EYS: variants seen among roughly 807,000 people sequenced by gnomAD.
The protein encoded by EYS is protein eyes shut homolog.
EYS carries 250 observed loss-of-function variants against 282.1 expected under a neutral mutation model. The ratio of observed to expected loss-of-function variants is 0.89; its 90% confidence interval spans 0.80 to 0.98. The LOEUF (loss-of-function observed/expected upper bound fraction) is 0.98, where lower values mean the gene tolerates loss of function less well. EYS is among the 50% of genes least tolerant of loss of function. EYS has a pLI of 0.00. For missense variants in EYS, 4,016 were observed against 3,709.0 expected (o/e 1.08, Z -2.15); for synonymous variants, 1,355 against 1,282.9 (o/e 1.06, Z -1.20).
At chr6:65,332,253 G>T (rs1582149919) in intron 11 of EYS, 1 of 640,002 alleles carries the variant, frequency 1.6e-6, no homozygotes, top group East Asian at 2.8e-5. Flanking sequence ...ACATTATCAT[G>T]CATTTTCTTC....
intron 31 of EYS, among the ~76,000 whole-genome samples, chr6:64,227,976 A>G (rs1421787457): frequency 3.3e-5 from 5 of 152,098 alleles, no homozygotes; most frequent in African/African-American, 4.8e-5. Context: ...GCATATAATA[A>G]TTATTGAAAT....
At chr6:64,508,929 C>G (rs1157371795) in intron 26 of EYS, among the ~76,000 whole-genome samples, 1 of 151,800 alleles carries the variant, frequency 6.6e-6, no homozygotes, top group Non-Finnish European at 1.5e-5. Context: ...TTAGCCAGAT[C>G]TAGTATCTTT....
intron 33 of EYS, among the ~76,000 whole-genome samples, chr6:64,005,961 C>T (rs117672915): frequency 0.017 from 2,516 of 152,056 alleles, 210 homozygotes; most frequent in Admixed American, 0.14. Context: ...GGCTCTTTAT[C>T]GGTTCCATAT....
At chr6:64,834,904 C>T (rs1765335388) in intron 19 of EYS, among the ~76,000 whole-genome samples, 1 of 151,676 alleles carries the variant, frequency 6.6e-6, no homozygotes, top group South Asian at 2.1e-4. Context: ...ATAAGGCTAA[C>T]TGATGGTTGT....
At chr6:64,973,937 AT>A (rs1000177986) in intron 14 of EYS, among the ~76,000 whole-genome samples, 1 of 151,904 alleles carries the variant, frequency 6.6e-6, no homozygotes, top group Non-Finnish European at 1.5e-5. Flanking sequence ...AAGATAATTC[AT>A]TTTTTCCCTC....
chr6:63,795,436 A>G lies in EYS; in HGVS notation c.7412-6212T>C, dbSNP rs546347742. ...AGAAAAGAGCAAAGTAGTTGAGACA[A>G]GAGTGTCAGGACATTCTAAGCAGTC... On this transcript the variant is annotated intron_variant, in intron 37 of 42. Coordinates refer to ENST00000503581, the MANE Select transcript of EYS (RefSeq NM_001142800.2). Among the ~76,000 whole-genome samples the G allele has an allele frequency of 1.6e-3, 249 of 152,336 alleles. 1 individual carries two copies. Among genetic ancestry groups the G allele is most frequent in the African/African-American group, 5.7e-3 (237 of 41,584 alleles).
chr6:65,080,246 T>C (rs180898318), intron 12 of EYS, among the ~76,000 whole-genome samples: 7 of 152,068 alleles, frequency 4.6e-5, no homozygotes, highest in Non-Finnish European at 1.0e-4. Context: ...AGTAGTATTA[T>C]TGCCATTAGG....
chr6:64,685,179 GA>G (rs1770046141), intron 22 of EYS, among the ~76,000 whole-genome samples: 1 of 152,058 alleles, frequency 6.6e-6, no homozygotes, highest in Non-Finnish European at 1.5e-5. Flanking sequence ...CAGAGATAAA[GA>G]AGGGGATTTC....
intron 33 of EYS, among the ~76,000 whole-genome samples, chr6:64,055,535 C>T (rs1280705115): frequency 6.6e-6 from 1 of 152,098 alleles, no homozygotes; most frequent in East Asian, 1.9e-4. Context: ...CCTGTGCCTT[C>T]ATTTTGAAGC....
chr6:64,314,194 CAAAAAA>C lies in EYS; in HGVS notation c.6079-7118_6079-7113del, dbSNP rs138447983. ...GAAGATTTACTAAACAAATGGAAAG[CAAAAAA>C]AAAAAAAAAAAAAAAAAAGCAGGGG... On this transcript the variant is annotated intron_variant, in intron 29 of 42. Transcript: ENST00000503581. Among the ~76,000 whole-genome samples, 5 of 27,676 alleles carry C rather than the reference CAAAAAA, an allele frequency of 1.8e-4. 1 individual carries two copies. Among genetic ancestry groups the C allele is most frequent in the Non-Finnish European group, 1.2e-4 (2 of 16,720 alleles). 18.2% of individuals were successfully genotyped at this position (27,676 alleles called of 152,430 possible).
At chr6:64,861,301 G>A (rs544770521) in intron 19 of EYS, among the ~76,000 whole-genome samples, 5 of 152,338 alleles carry the variant, frequency 3.3e-5, no homozygotes, top group South Asian at 4.1e-4. Flanking sequence ...ACACACAGCT[G>A]GGTTGCAACA....
chr6:64,098,859 T>C (rs750055461), intron 31 of EYS, among the ~76,000 whole-genome samples: 2 of 152,152 alleles, frequency 1.3e-5, no homozygotes. Flanking sequence ...CACCTCGGCC[T>C]CCCAAAGTGC....
chr6:64,107,402 A>T (rs112577555), intron 31 of EYS, among the ~76,000 whole-genome samples: 6,313 of 150,518 alleles, frequency 0.042, 393 homozygotes, highest in African/African-American at 0.14. Context: ...GAGCCAGTCC[A>T]AGTCCCAAAA....
intron 36 of EYS, among the ~76,000 whole-genome samples, chr6:63,852,312 C>T (rs1772280745): frequency 6.6e-6 from 1 of 151,850 alleles, no homozygotes. Flanking sequence ...CCACTGATCC[C>T]ACAGAAATAT....
intron 42 of EYS, among the ~76,000 whole-genome samples, chr6:63,725,909 G>T (rs974488489): frequency 2.0e-5 from 3 of 152,106 alleles, no homozygotes; most frequent in Non-Finnish European, 4.4e-5. Context: ...CAATAGAGAT[G>T]TAACTATATG....
At position 65,447,854 on chromosome 6, in the gene EYS, T is replaced by C. The variant is rs140518080; in HGVS notation, c.863-42487A>G. 8.9e-4 allele frequency among the ~76,000 whole-genome samples: 135 copies of C among 152,142 alleles called. 2 individuals are homozygous for C. The highest frequency in any genetic ancestry group is 2.6e-3 in the African/African-American group (109 of 41,546). ...AAACTGGGAAAAGTAGTTAGTTGTC[T>C]AGCTTCATGTTGGCAGAGAATGGAA... On this transcript the variant is annotated intron_variant, in intron 5 of 42. Coordinates refer to ENST00000503581, the MANE Select transcript of EYS (RefSeq NM_001142800.2).
At chr6:64,766,057 A>G (rs1274381062) in intron 22 of EYS, among the ~76,000 whole-genome samples, 1 of 151,672 alleles carries the variant, frequency 6.6e-6, no homozygotes, top group East Asian at 2.0e-4. Context: ...TTGTAAAATA[A>G]TATTTGTAAA....
intron 22 of EYS, among the ~76,000 whole-genome samples, chr6:64,790,378 G>A (rs1308520746): frequency 6.6e-6 from 1 of 151,776 alleles, no homozygotes; most frequent in Non-Finnish European, 1.5e-5. Context: ...ATTATTTATA[G>A]CATTTAAATG....
chr6:65,298,205 G>A (rs891131999), intron 11 of EYS, among the ~76,000 whole-genome samples: 6 of 152,070 alleles, frequency 3.9e-5, no homozygotes, highest in South Asian at 2.1e-4. Flanking sequence ...GGAAGCTTAC[G>A]GCATTGAGAA....
Sources: gnomAD v4.1 joint callset for allele counts (sites outside exome capture counted in the v4.1 genomes callset) on GRCh38, gnomAD v4.1.1 for gene constraint, MANE v1.5 for transcripts, NCBI Gene and HGNC (gene_info 2026-07-23, HGNC 2026-07-21) for gene names.